PCDH15: variants seen among roughly 807,000 people sequenced by gnomAD.
PCDH15 encodes the protein protocadherin related 15, also known as protocadherin-15.
In PCDH15, 129 loss-of-function variants were observed where a neutral mutation model predicts 178.5. That is an observed-to-expected ratio of 0.72 (90% CI 0.63 to 0.84). The LOEUF (loss-of-function observed/expected upper bound fraction) is 0.84. PCDH15 is among the 40% of genes least tolerant of loss of function. The pLI is 0.00. For missense variants in PCDH15, 2,230 were observed against 2,099.9 expected, an observed-to-expected ratio of 1.06 and a Z score of -1.21; for synonymous variants, 800 against 732.0, an observed-to-expected ratio of 1.09 and a Z score of -1.50.
intron 1 of PCDH15, among the ~76,000 whole-genome samples, chr10:54,778,110 C>G (rs1424971377): frequency 6.6e-6 from 1 of 152,174 alleles, no homozygotes; most frequent in African/African-American, 2.4e-5. Context: ...GATGCAAGTT[C>G]CCTTTACCCA....
chr10:54,935,612 A>C (rs1837885851), intron 2 of PCDH15, among the ~76,000 whole-genome samples: 1 of 152,198 alleles, frequency 6.6e-6, no homozygotes, highest in African/African-American at 2.4e-5. Flanking sequence ...AGTAAAACAT[A>C]AAATCTCTCA....
chr10:54,828,400 C>T (rs1953165015), intron 3 of PCDH15, among the ~76,000 whole-genome samples: 2 of 151,884 alleles, frequency 1.3e-5, no homozygotes, highest in Admixed American at 1.3e-4. Flanking sequence ...TTTATAACTT[C>T]AATTTATGAC....
intron 2 of PCDH15, among the ~76,000 whole-genome samples, chr10:55,011,056 TA>T (rs1187138641): frequency 5.3e-5 from 8 of 152,034 alleles, no homozygotes; most frequent in Admixed American, 4.6e-4. Context: ...TGAAAGAGGA[TA>T]AAAATATATC....
At chr10:54,434,116 A>G (rs1345994228) in intron 3 of PCDH15, among the ~76,000 whole-genome samples, 1 of 152,220 alleles carries the variant, frequency 6.6e-6, no homozygotes, top group African/African-American at 2.4e-5. Context: ...GAACAAGGAT[A>G]TAAAGAAAGA....
chr10:55,562,274 C>T (rs1564455291), intron 2 of PCDH15, among the ~76,000 whole-genome samples: 2 of 151,778 alleles, frequency 1.3e-5, no homozygotes, highest in African/African-American at 4.8e-5. Context: ...ATACACTGTT[C>T]ATCAGTGAAA....
Position 53,907,374 on chromosome 10 carries a change from A to C in PCDH15, c.3374-4004T>G, listed in dbSNP as rs145595709. Among the ~76,000 whole-genome samples, 1,037 of 152,360 alleles carry C rather than the reference A, an allele frequency of 6.8e-3. 43 individuals carry two copies. The highest frequency in any genetic ancestry group is 0.06 in the Admixed American group (920 of 15,298). ...GAGAAAGGAAAGCACAGATAGAAAA[A>C]TAATGTTAAGGGAACAACGTGCGTG... On this transcript the variant is annotated intron_variant, in intron 25 of 37. Coordinates refer to ENST00000644397, the MANE Select transcript of PCDH15 (RefSeq NM_001384140.1).
intron 2 of PCDH15, among the ~76,000 whole-genome samples, chr10:55,550,092 G>A (rs1165764134): frequency 6.6e-6 from 1 of 151,792 alleles, no homozygotes; most frequent in East Asian, 1.9e-4. Context: ...TTTTATACAT[G>A]TCAATCTTTT....
rs1432245062 is a variant in PCDH15, at chr10:54,909,633, T to C, written c.-79-12133A>G. The stretch of plus-strand genomic sequence containing the variant: ...CAGAGTGCAAAGATTCCCTGGCCCA[T>C]AGCTGCAGCTTGGGCAGCTGCAGCT... On this transcript the variant is annotated intron_variant, in intron 2 of 5. Coordinates refer to the PCDH15 transcript ENST00000458638. Among the ~76,000 whole-genome samples, 5 of 151,936 alleles carry C rather than the reference T, an allele frequency of 3.3e-5. No individual in the cohort carries two copies. The East Asian group carries it at 5.8e-4, about 18-fold the overall frequency.
At chr10:55,547,918 A>T (rs780019451) in intron 2 of PCDH15, among the ~76,000 whole-genome samples, 4,946 of 134,822 alleles carry the variant, frequency 0.037, 318 homozygotes, top group East Asian at 0.27. Context: ...TGTGAGAGAG[A>T]GAGAGAGAGA....
rs115692256 is a variant in PCDH15, at chr10:55,598,659, A to G, written c.-156+28966T>C. Among the ~76,000 whole-genome samples the G allele has an allele frequency of 4.6e-3, 688 of 150,576 alleles. 5 individuals are homozygous for G. Among genetic ancestry groups the G allele is most frequent in the African/African-American group, 0.016 (656 of 41,112 alleles). On this transcript the variant is annotated intron_variant, in intron 2 of 5. Coordinates refer to the PCDH15 transcript ENST00000613346. ...CTACATCCAGAAATATCTCACAATA[A>G]CCTTCATGAAATCTAAATGTTCGAA...
In PCDH15 at chr10:54,908,272, G is replaced by A. The variant is rs1490774118; in HGVS notation, c.-79-10772C>T. Among the ~76,000 whole-genome samples, 5 of 152,198 alleles carry A rather than the reference G, an allele frequency of 3.3e-5. No homozygotes were observed. The South Asian group carries it at 1.0e-3, about 31-fold the overall frequency. ...TTATAGTGCATAGCCAGGCACACTG[G>A]CTGCGGCATGGCAGGCAACTCCAGG... On this transcript the variant is annotated intron_variant, in intron 2 of 5. Coordinates refer to the PCDH15 transcript ENST00000458638.
At chr10:55,025,077 T>C (rs1005881870) in intron 2 of PCDH15, among the ~76,000 whole-genome samples, 2 of 152,198 alleles carry the variant, frequency 1.3e-5, no homozygotes, top group African/African-American at 2.4e-5. Flanking sequence ...TCCCTGTATC[T>C]CTAATACCTT....
At chr10:55,049,526 C>A (rs542593425) in intron 2 of PCDH15, among the ~76,000 whole-genome samples, 1 of 151,616 alleles carries the variant, frequency 6.6e-6, no homozygotes, top group Non-Finnish European at 1.5e-5. Flanking sequence ...AATAGTCTCA[C>A]GGAGAAAAGT....
intron 26 of PCDH15, among the ~76,000 whole-genome samples, chr10:53,885,233 C>T (rs2081006961): frequency 6.6e-6 from 1 of 151,958 alleles, no homozygotes; most frequent in Non-Finnish European, 1.5e-5. Context: ...CTAAAGAAAA[C>T]TTATTTAATA....
At chr10:54,375,095 T>C (rs1025086940) in intron 4 of PCDH15, among the ~76,000 whole-genome samples, 10 of 152,130 alleles carry the variant, frequency 6.6e-5, no homozygotes, top group African/African-American at 2.4e-4. Flanking sequence ...GATGGTATAA[T>C]TGGATATGGA....
chr10:55,550,621 C>A (rs751616672), intron 2 of PCDH15, among the ~76,000 whole-genome samples: 1 of 151,984 alleles, frequency 6.6e-6, no homozygotes, highest in Non-Finnish European at 1.5e-5. Context: ...TTTTAAAAGA[C>A]AAAATATTTT....
chr10:54,928,016 G>C, intron 2 of PCDH15, among the ~76,000 whole-genome samples: 1 of 152,050 alleles, frequency 6.6e-6, no homozygotes, highest in East Asian at 1.9e-4. Flanking sequence ...TGTTTATGTG[G>C]TTGCTTTATA....
chr10:54,615,649 C>G (rs916051767), intron 2 of PCDH15, among the ~76,000 whole-genome samples: 2 of 151,792 alleles, frequency 1.3e-5, no homozygotes, highest in Non-Finnish European at 1.5e-5. Context: ...GACTTTCATT[C>G]TAGTGAGAGA....
intron 23 of PCDH15, among the ~76,000 whole-genome samples, chr10:53,942,878 T>C (rs774849144): frequency 6.6e-5 from 10 of 152,320 alleles, no homozygotes; most frequent in Non-Finnish European, 1.0e-4. Context: ...ATTAAGTTCA[T>C]GGTAATATTA....
Sources: gnomAD v4.1 joint callset for allele counts (sites outside exome capture counted in the v4.1 genomes callset) on GRCh38, gnomAD v4.1.1 for gene constraint, MANE v1.5 for transcripts, NCBI Gene and HGNC (gene_info 2026-07-23, HGNC 2026-07-21) for gene names.